The following RBFOX3 variants were observed in gnomAD, a reference collection of about 807,000 sequenced individuals.
The protein encoded by RBFOX3 is RNA binding protein fox-1 homolog 3.
RBFOX3 carries 17 observed loss-of-function variants against 48.7 expected under a neutral mutation model. The observed-to-expected ratio is 0.35, with a 90% CI of 0.24 to 0.52. The LOEUF is 0.52. Among genes scored for constraint, RBFOX3 ranks in the 20% least tolerant of loss-of-function variants. The pLI, the probability that RBFOX3 is intolerant of heterozygous loss-of-function variation, is 0.94. For synonymous variants in RBFOX3, 212 were observed against 209.5 expected, an observed-to-expected ratio of 1.01 and a Z score of -0.10; for missense variants, 382 against 497.5, an observed-to-expected ratio of 0.77 and a Z score of 2.21.
intron 1 of RBFOX3, among the ~76,000 whole-genome samples, chr17:79,500,406 C>T (rs915856132): frequency 4.1e-4 from 63 of 152,122 alleles, no homozygotes; most frequent in East Asian, 9.7e-4. Flanking sequence ...TACAGGCATG[C>T]ACCACCACGC....
At chr17:79,559,529 T>C (rs2092031549) in intron 1 of RBFOX3, among the ~76,000 whole-genome samples, 1 of 142,372 alleles carries the variant, frequency 7.0e-6, no homozygotes, top group African/African-American at 2.7e-5. Flanking sequence ...GGATGGTGAA[T>C]AGGTGGATGG....
chr17:79,552,594 C>T (rs906751289), intron 1 of RBFOX3, among the ~76,000 whole-genome samples: 9 of 152,104 alleles, frequency 5.9e-5, no homozygotes, highest in South Asian at 2.1e-4. Flanking sequence ...GTATGGAAAG[C>T]GCTCAAGTCA....
intron 1 of RBFOX3, among the ~76,000 whole-genome samples, chr17:79,610,189 A>G (rs1336254477): frequency 6.6e-6 from 1 of 151,900 alleles, no homozygotes; most frequent in Non-Finnish European, 1.5e-5. Flanking sequence ...GAGCTGTGGC[A>G]GCCCCTTCCT....
chr17:79,312,182 C>A (rs112619491), intron 2 of RBFOX3, among the ~76,000 whole-genome samples: 2,802 of 151,830 alleles, frequency 0.018, 113 homozygotes, highest in South Asian at 0.17. Flanking sequence ...GCCTCTGCAG[C>A]CTCCAGGAAT....
chr17:79,124,697 G>A (rs1415170385), intron 4 of RBFOX3, among the ~76,000 whole-genome samples: 1 of 152,234 alleles, frequency 6.6e-6, no homozygotes. Flanking sequence ...GGCAGGGCCA[G>A]GGCTCTGGGA....
At chr17:79,307,584 G>A (rs2076266269) in intron 3 of RBFOX3, 140 bp downstream of exon 3, 1 of 153,746 alleles carries the variant, frequency 6.5e-6, no homozygotes, top group Non-Finnish European at 1.5e-5. Context: ...CCTCCTCTCT[G>A]CAGACCAAAG....
intron 1 of RBFOX3, among the ~76,000 whole-genome samples, chr17:79,573,140 C>G (rs1364060940): frequency 3.3e-5 from 5 of 152,218 alleles, no homozygotes; most frequent in Non-Finnish European, 5.9e-5. Flanking sequence ...TGTCCCCTCT[C>G]CCTGAAGATT....
intron 1 of RBFOX3, among the ~76,000 whole-genome samples, chr17:79,546,606 C>T (rs1013809490): frequency 1.3e-5 from 2 of 151,972 alleles, no homozygotes; most frequent in African/African-American, 4.8e-5. Flanking sequence ...CCAGAAGCAG[C>T]ACATGGCTTG....
rs966730295 is a variant in RBFOX3, at chr17:79,198,729, G to A, written c.-34+37037C>T. 2.0e-5 allele frequency among the ~76,000 whole-genome samples: 3 copies of A among 151,910 alleles called. No homozygotes were observed. Among genetic ancestry groups the A allele is most frequent in the Non-Finnish European group, 4.4e-5 (3 of 68,018 alleles). On this transcript the variant is annotated intron_variant, in intron 4 of 14. Transcript: ENST00000693108. The surrounding 1 kb of genome is among the most constrained non-coding windows in gnomAD (Gnocchi z 8.2). ...CAACCTCCACCTTCCGGGTTCAAGC[G>A]ATTCTCCTGCCTCAGCCTCCCAAGT...
At chr17:79,389,478 G>A (rs889797988) in intron 2 of RBFOX3, among the ~76,000 whole-genome samples, 1 of 152,218 alleles carries the variant, frequency 6.6e-6, no homozygotes, top group Non-Finnish European at 1.5e-5. Flanking sequence ...CCTTGAGGGG[G>A]TATTTACAGC....
chr17:79,192,171 A>G (rs1300696672), intron 4 of RBFOX3, among the ~76,000 whole-genome samples: 9 of 152,070 alleles, frequency 5.9e-5, no homozygotes, highest in Admixed American at 3.3e-4. Context: ...TTTGGCCCCA[A>G]CACAACTCTC....
chr17:79,157,715 G>C (rs1223026652), intron 4 of RBFOX3, among the ~76,000 whole-genome samples: 1 of 152,162 alleles, frequency 6.6e-6, no homozygotes, highest in Non-Finnish European at 1.5e-5. Context: ...GGCCCACGCT[G>C]TCCCCACCAC....
intron 4 of RBFOX3, among the ~76,000 whole-genome samples, chr17:79,159,304 C>T (rs917338518): frequency 4.6e-5 from 7 of 152,142 alleles, no homozygotes; most frequent in African/African-American, 1.4e-4. Flanking sequence ...TAGAGCTGGC[C>T]CGGGCGGTTC....
Position 79,464,187 on chromosome 17 carries a change from C to T in RBFOX3, c.-175+18267G>A, listed in dbSNP as rs145149148. On this transcript the variant is annotated intron_variant, in intron 2 of 14. Coordinates refer to ENST00000693108, the MANE Select transcript of RBFOX3 (RefSeq NM_001350451.2). ...CTCGTGCTCTGTGGCGAGGCCTCTGCGAAACGGGCGCACATCAGGAAATGT... is the reference window on the plus strand; with the variant it reads ...CTCGTGCTCTGTGGCGAGGCCTCTGTGAAACGGGCGCACATCAGGAAATGT... Among the ~76,000 whole-genome samples the T allele has an allele frequency of 1.4e-3, 212 of 152,362 alleles. 2 individuals carry two copies. The highest frequency in any genetic ancestry group is 9.1e-3 in the East Asian group (47 of 5,192).
In RBFOX3 at chr17:79,249,225, G is replaced by A. The variant is rs548049421; in HGVS notation, c.-73-13420C>T. 3.3e-5 allele frequency among the ~76,000 whole-genome samples: 5 copies of A among 152,208 alleles called. No individual in the cohort carries two copies. The highest frequency in any genetic ancestry group is 4.8e-5 in the African/African-American group (2 of 41,530). Reference sequence around the variant, plus strand: ...TGCTGGGGCGTCGAAAGCCAAGCGCGCTCAGGTCTTCAAAGCCACCGTTTG... The same window carrying A: ...TGCTGGGGCGTCGAAAGCCAAGCGCACTCAGGTCTTCAAAGCCACCGTTTG... On this transcript the variant is annotated intron_variant, in intron 3 of 14. Transcript: ENST00000693108. The surrounding 1 kb of genome is among the most constrained non-coding windows in gnomAD (Gnocchi z 4.1).
chr17:79,258,597 A>T (rs762873701), intron 3 of RBFOX3, among the ~76,000 whole-genome samples: 38 of 152,174 alleles, frequency 2.5e-4, no homozygotes, highest in Non-Finnish European at 4.1e-4. Context: ...GGCAGACTAA[A>T]AGGAGCTCTA....
chr17:79,590,939 G>T (rs2093398769), intron 1 of RBFOX3, among the ~76,000 whole-genome samples: 1 of 152,288 alleles, frequency 6.6e-6, no homozygotes, highest in South Asian at 2.1e-4. Flanking sequence ...CAAGACTGCA[G>T]CCAACTTCTC....
chr17:79,266,473 T>G (rs1223961523), intron 3 of RBFOX3, among the ~76,000 whole-genome samples: 3 of 152,198 alleles, frequency 2.0e-5, no homozygotes, highest in Non-Finnish European at 4.4e-5. Context: ...TGGAATTGTT[T>G]GCTAAGTTTC....
At chr17:79,606,863 C>A (rs1169947261) in intron 1 of RBFOX3, among the ~76,000 whole-genome samples, 1 of 152,028 alleles carries the variant, frequency 6.6e-6, no homozygotes, top group Non-Finnish European at 1.5e-5. Context: ...AGCATCCGCG[C>A]CACTCAGAAA....
Sources: gnomAD v4.1 joint callset for allele counts (sites outside exome capture counted in the v4.1 genomes callset) on GRCh38, gnomAD v4.1.1 for gene constraint, Gnocchi (gnomAD v3.1) non-coding constraint, MANE v1.5 for transcripts, NCBI Gene and HGNC (gene_info 2026-07-23, HGNC 2026-07-21) for gene names.